SHPRH: variants seen among roughly 807,000 people sequenced by gnomAD.
SHPRH encodes the protein SNF2 histone linker PHD RING helicase.
Under a neutral mutation model 202.5 loss-of-function variants are expected in SHPRH, and 106 were observed. The observed-to-expected ratio is 0.52, with a 90% CI of 0.45 to 0.62. The LOEUF is 0.62. SHPRH is among the 20% of genes least tolerant of loss of function. SHPRH has a pLI of 0.00. For synonymous variants in SHPRH, 729 were observed against 686.0 expected (o/e 1.06, Z -0.98); for missense variants, 1,710 against 2,020.0 (o/e 0.85, Z 2.94).
At chr6:145,896,569 G>T (rs934695173) in intron 25 of SHPRH, among the ~76,000 whole-genome samples, 1 of 152,050 alleles carries the variant, frequency 6.6e-6, no homozygotes, top group African/African-American at 2.4e-5. Flanking sequence ...TTCAGTGGTA[G>T]TGCTCAATGA....
intron 1 of SHPRH, among the ~76,000 whole-genome samples, chr6:145,958,154 A>C (rs1474834342): frequency 6.6e-6 from 1 of 152,188 alleles, no homozygotes; most frequent in Non-Finnish European, 1.5e-5. Flanking sequence ...TACCAGGGGC[A>C]AGGAAGTATA....
At chr6:145,899,048 G>A (rs780423024) in intron 25 of SHPRH, among the ~76,000 whole-genome samples, 5 of 151,890 alleles carry the variant, frequency 3.3e-5, no homozygotes, top group East Asian at 1.9e-4. Flanking sequence ...TCCTGGCCTC[G>A]AGTGATCCTC....
intron 1 of SHPRH, among the ~76,000 whole-genome samples, chr6:145,958,239 G>A (rs1170623738): frequency 6.6e-6 from 1 of 152,032 alleles, no homozygotes; most frequent in Non-Finnish European, 1.5e-5. Flanking sequence ...TGATTGCAGA[G>A]TATACATCTG....
chr6:145,949,764 G>A (rs1429998666), intron 4 of SHPRH, among the ~76,000 whole-genome samples: 3 of 151,940 alleles, frequency 2.0e-5, no homozygotes, highest in Non-Finnish European at 2.9e-5. Flanking sequence ...AATGCCTCCC[G>A]TAAAACTACT....
At chr6:145,899,084 G>C (rs1782266461) in intron 25 of SHPRH, among the ~76,000 whole-genome samples, 1 of 152,122 alleles carries the variant, frequency 6.6e-6, no homozygotes. Context: ...AAGGCACTGA[G>C]ATTATAGGCA....
intron 22 of SHPRH, 171 bp from the exon 23 acceptor site, chr6:145,918,403 T>A: frequency 8.6e-6 from 2 of 232,844 alleles, no homozygotes; most frequent in Non-Finnish European, 1.6e-5. Context: ...TTCAAATGAT[T>A]TTTTTTTTTT....
chr6:145,860,317 A>C (rs1779537654), downstream of SHPRH, among the ~76,000 whole-genome samples: 1 of 152,058 alleles, frequency 6.6e-6, no homozygotes, highest in South Asian at 2.1e-4. Flanking sequence ...ATTACAGAAC[A>C]CAAAATTAAT....
At chr6:145,878,997 A>G (rs566918978) in intron 2 of SHPRH, among the ~76,000 whole-genome samples, 88 of 152,334 alleles carry the variant, frequency 5.8e-4, no homozygotes, top group African/African-American at 2.0e-3. Flanking sequence ...GATTTATATG[A>G]ATTTGGTACT....
At chr6:145,867,631 TAGAGAGAGAGAGAGAGAG>T (rs748613165) in intron 2 of SHPRH, among the ~76,000 whole-genome samples, 3 of 22,318 alleles carry the variant, frequency 1.3e-4, no homozygotes, top group South Asian at 2.1e-3. Context: ...TATATATATA[TAGAGAGAGAGAGAGAGAG>T]AGAGAGAGAG....
At chr6:145,868,306 C>A (rs568820888) in intron 2 of SHPRH, among the ~76,000 whole-genome samples, 1 of 152,264 alleles carries the variant, frequency 6.6e-6, no homozygotes, top group African/African-American at 2.4e-5. Flanking sequence ...GGGGTTAGGA[C>A]CTCAACGTAC....
At chr6:145,882,001 T>A (rs1337311017), downstream of SHPRH, among the ~76,000 whole-genome samples, 2 of 150,374 alleles carry the variant, frequency 1.3e-5, no homozygotes, top group Non-Finnish European at 3.0e-5. Flanking sequence ...GAGGTTGAGG[T>A]GAGGAGATCA....
At chr6:145,900,365 T>C (rs1427795715) in intron 25 of SHPRH, among the ~76,000 whole-genome samples, 1 of 152,122 alleles carries the variant, frequency 6.6e-6, no homozygotes, top group East Asian at 1.9e-4. Context: ...TCTATGTACC[T>C]GAAAGACACC....
At chr6:145,961,369 A>G (rs996755985) in intron 1 of SHPRH, among the ~76,000 whole-genome samples, 2 of 152,202 alleles carry the variant, frequency 1.3e-5, no homozygotes, top group African/African-American at 4.8e-5. Context: ...GCCAAGTTCA[A>G]AAAACCTTGT....
rs1789425697 is a variant in SHPRH at position 145,964,273 on chromosome 6, A to G, written c.-575T>C. ...CACCGAACATGGGCTTGAGGTGGGCACGAGCGCTTTTTGCCGGAACGTGTA... is the reference window on the plus strand; with the variant it reads ...CACCGAACATGGGCTTGAGGTGGGCGCGAGCGCTTTTTGCCGGAACGTGTA... On this transcript the variant is annotated 5_prime_UTR_variant, in exon 1 of 30. Transcript: ENST00000275233. 2 of 152,318 alleles carry G rather than the reference A, an allele frequency of 1.3e-5. No individual in the cohort carries two copies. The highest frequency in any genetic ancestry group is 6.5e-5 in the Admixed American group (1 of 15,294). 9.4% of individuals were successfully genotyped at this position (152,318 alleles called of 1,614,324 possible). A position where few individuals can be genotyped will look rare whatever the true frequency, so the allele number is the denominator to read the frequency against.
chr6:145,891,493 T>C (rs1308309351), intron 28 of SHPRH, among the ~76,000 whole-genome samples: 6 of 152,178 alleles, frequency 3.9e-5, no homozygotes. Flanking sequence ...ACTTAGTTTA[T>C]TGTTTACCAC....
Position 145,941,656 on chromosome 6 carries a change from A to G in SHPRH, c.2457T>C (p.Asp819=). The G allele has an allele frequency of 6.2e-7, 1 of 1,613,996 alleles. No homozygotes were observed. The highest frequency in any genetic ancestry group is 1.1e-5 in the South Asian group (1 of 91,082). The change falls in exon 10 of 30, where the codon GAT becomes GAC. Residue 819 remains aspartate, a synonymous_variant. Coordinates refer to ENST00000275233, the MANE Select transcript of SHPRH (RefSeq NM_001042683.3). ...VAVEWWRICL[D]EAQMVECPTV... ...TGGGACACTCAACCATCTGAGCTTC[A>G]TCAAGGCAGATCCTCCACCACTCCA...
chr6:145,950,428 A>G lies in SHPRH; in HGVS notation c.818T>C (p.Ile273Thr). The G allele has an allele frequency of 1.3e-5, 21 of 1,613,230 alleles. No homozygotes were observed. The highest frequency in any genetic ancestry group is 1.7e-5 in the Non-Finnish European group (20 of 1,179,390). Reference sequence around the variant, plus strand: ...TTTCACAAAGTGATACAGCTCGTCAATGTCTTGTCCCTCTGGCTCACTCTC... The same window carrying G: ...TTTCACAAAGTGATACAGCTCGTCAGTGTCTTGTCCCTCTGGCTCACTCTC... ...DPESEPEGQD[I>T]DELYHFVKQT... is the part of the protein sequence containing the mutation. Residue 273 changes from isoleucine to threonine, a missense_variant, in exon 4 of 30, where the codon ATT (isoleucine) becomes ACT (threonine). By Grantham distance (89) the Ile-to-Thr change is moderately conservative. This residue lies in a region of SHPRH where 459 missense variants were observed against 426.5 expected (regional missense o/e 1.08). Transcript: ENST00000275233.
chr6:145,934,233 G>C (rs896057502), intron 13 of SHPRH, among the ~76,000 whole-genome samples: 1 of 151,988 alleles, frequency 6.6e-6, no homozygotes, highest in African/African-American at 2.4e-5. Context: ...GCACGAGGCT[G>C]AGAGGGGTGG....
chr6:145,882,959 C>T (rs1780689760), downstream of SHPRH, among the ~76,000 whole-genome samples: 2 of 152,218 alleles, frequency 1.3e-5, no homozygotes, highest in South Asian at 4.2e-4. Context: ...GGGAAGATCC[C>T]ATAGGTCGAA....
Sources: allele counts gnomAD v4.1 joint callset (sites outside exome capture counted in the v4.1 genomes callset), GRCh38; gene constraint gnomAD v4.1.1; regional missense constraint gnomAD v4.1.1; transcripts MANE v1.5; gene names NCBI Gene and HGNC (gene_info 2026-07-23, HGNC 2026-07-21).